SUGP1: variants seen among roughly 807,000 people sequenced by gnomAD.
The protein encoded by SUGP1 is SURP and G-patch domain-containing protein 1.
A neutral mutation model predicts 76.5 loss-of-function variants in SUGP1; 34 were observed. The observed-to-expected ratio is 0.44, with a 90% CI of 0.34 to 0.59. The LOEUF (loss-of-function observed/expected upper bound fraction) is 0.59, where lower values mean the gene tolerates loss of function less well. Among genes scored for constraint, SUGP1 ranks in the 20% least tolerant of loss-of-function variants. SUGP1 has a pLI of 0.01. For synonymous variants in SUGP1, 326 were observed against 326.2 expected (o/e 1.00, Z 0.01); for missense variants, 752 against 851.7 (o/e 0.88, Z 1.46).
intron 8 of SUGP1, among the ~76,000 whole-genome samples, chr19:19,290,259 G>C (rs1243956556): frequency 6.6e-6 from 1 of 152,176 alleles, no homozygotes; most frequent in East Asian, 1.9e-4. Context: ...GAGAGGGAAG[G>C]AGCAGAAACT....
chr19:19,308,081 T>G (rs939585482), intron 3 of SUGP1, among the ~76,000 whole-genome samples: 1 of 152,094 alleles, frequency 6.6e-6, no homozygotes, highest in Non-Finnish European at 1.5e-5. Flanking sequence ...TAGGCTAGAG[T>G]ACAGTGACGT....
intron 4 of SUGP1, chr19:19,305,601 T>A (rs957391636): frequency 2.4e-6 from 1 of 421,480 alleles, no homozygotes; most frequent in African/African-American, 2.0e-5. Flanking sequence ...GCTGTGTGAG[T>A]GGAAGATGGA....
At chr19:19,279,494 G>A in intron 9 of SUGP1, 104 bp from the exon 10 acceptor site, 1 of 1,293,770 alleles carries the variant, frequency 7.7e-7, no homozygotes, top group Admixed American at 2.2e-5. Context: ...GCCGGAACGT[G>A]GCTCATCTGG....
chr19:19,299,221 T>C (rs1330903216), intron 7 of SUGP1, among the ~76,000 whole-genome samples: 1 of 152,258 alleles, frequency 6.6e-6, no homozygotes, highest in Admixed American at 6.5e-5. Flanking sequence ...AGTGGAAGCA[T>C]GTTCACTGAC....
chr19:19,288,847 G>A (rs993827642), intron 8 of SUGP1, among the ~76,000 whole-genome samples: 36 of 151,860 alleles, frequency 2.4e-4, no homozygotes, highest in African/African-American at 3.1e-4. Flanking sequence ...GTGCAGTGGC[G>A]CGATCTCAGC....
At chr19:19,305,361 G>A (rs1306283531) in intron 4 of SUGP1, among the ~76,000 whole-genome samples, 1 of 152,184 alleles carries the variant, frequency 6.6e-6, no homozygotes, top group East Asian at 1.9e-4. Context: ...AAGCTCACCC[G>A]TGACCAGTGA....
intron 8 of SUGP1, among the ~76,000 whole-genome samples, chr19:19,291,796 G>A (rs1263382118): frequency 1.3e-5 from 2 of 151,682 alleles, no homozygotes; most frequent in Admixed American, 1.3e-4. Flanking sequence ...AGGAGGCTGA[G>A]GCAGAAGAAT....
At chr19:19,285,911 G>A (rs2061136390) in intron 8 of SUGP1, among the ~76,000 whole-genome samples, 1 of 152,162 alleles carries the variant, frequency 6.6e-6, no homozygotes. Flanking sequence ...TTGTGCAAAT[G>A]CAGTTGGGTT....
At chr19:19,279,188 C>CCGCCCCCCCCCCA in intron 10 of SUGP1, 25 bp downstream of exon 10, 1 of 1,534,006 alleles carries the variant, frequency 6.5e-7, no homozygotes, top group Non-Finnish European at 8.8e-7. Context: ...CAGCCCAGCC[C>CCGCCCCCCCCCCA]GGCCCACCCC....
intron 2 of SUGP1, among the ~76,000 whole-genome samples, chr19:19,312,300 A>C (rs1184524853): frequency 6.6e-6 from 1 of 152,210 alleles, no homozygotes; most frequent in African/African-American, 2.4e-5. Context: ...TGCAACAGCC[A>C]CTATTAACAC....
chr19:19,308,369 G>A (rs997366364), intron 3 of SUGP1, among the ~76,000 whole-genome samples: 1 of 152,200 alleles, frequency 6.6e-6, no homozygotes, highest in Non-Finnish European at 1.5e-5. Context: ...AGAATACGAC[G>A]TGTGTTATCA....
At chr19:19,297,399 G>GTTTCTGGGC in intron 7 of SUGP1, 55 bp from the exon 8 acceptor site, 2 of 1,190,572 alleles carry the variant, frequency 1.7e-6, no homozygotes, top group Non-Finnish European at 2.3e-6. Flanking sequence ...CCCTGTCCCT[G>GTTTCTGGGC]ATTCTGGGCA....
chr19:19,294,723 A>T (rs541797756), intron 8 of SUGP1, among the ~76,000 whole-genome samples: 1 of 152,122 alleles, frequency 6.6e-6, no homozygotes, highest in East Asian at 1.9e-4. Context: ...GGATTACAGC[A>T]GGCACTGGGA....
chr19:19,287,277 T>C (rs1280771821), intron 8 of SUGP1, among the ~76,000 whole-genome samples: 3 of 151,936 alleles, frequency 2.0e-5, no homozygotes, highest in Middle Eastern at 3.4e-3. Context: ...TCTCAAAACA[T>C]AGGTGAGGCG....
intron 11 of SUGP1, among the ~76,000 whole-genome samples, chr19:19,278,434 C>A (rs1393230710): frequency 2.0e-5 from 3 of 152,192 alleles, no homozygotes; most frequent in Non-Finnish European, 4.4e-5. Flanking sequence ...GTAAACTGCA[C>A]TTAATTGGCT....
chr19:19,287,934 AG>A, intron 8 of SUGP1, among the ~76,000 whole-genome samples: 1 of 152,342 alleles, frequency 6.6e-6, no homozygotes, highest in Admixed American at 6.5e-5. Context: ...CCTCTTCGGC[AG>A]CAAGACCAAC....
chr19:19,280,150 A>C, intron 9 of SUGP1, 35 bp downstream of exon 9: 2 of 1,599,914 alleles, frequency 1.3e-6, no homozygotes, highest in East Asian at 4.5e-5. Flanking sequence ...ATGGGCGCCG[A>C]CCATGTCCCC....
chr19:19,310,272 G>A lies in SUGP1; in HGVS notation c.207-72C>T, dbSNP rs1200308735. 4.3e-6 allele frequency: 5 copies of A among 1,176,388 alleles called. No individual in the cohort carries two copies. In the Admixed American group the frequency reaches 8.5e-5, roughly 20 times the overall value. The allele number at this position is 1,176,388 out of a possible 1,614,324, so 72.9% of individuals were successfully genotyped here. On this transcript the variant is annotated intron_variant, in intron 2 of 13. Coordinates refer to ENST00000247001, the MANE Select transcript of SUGP1 (RefSeq NM_172231.4). Reference sequence around the variant, plus strand: ...AGTGAGGGCACCAGAGGACGAGGATGAGGATGAGGCCATCACCTCGTCCAT... The same window carrying A: ...AGTGAGGGCACCAGAGGACGAGGATAAGGATGAGGCCATCACCTCGTCCAT...
intron 8 of SUGP1, 136 bp downstream of exon 8, chr19:19,296,851 TAC>T: frequency 2.7e-6 from 2 of 747,936 alleles, no homozygotes; most frequent in Non-Finnish European, 4.1e-6. Flanking sequence ...ATGTGGTATG[TAC>T]ACACAGTGGA....
Sources: allele counts gnomAD v4.1 joint callset (sites outside exome capture counted in the v4.1 genomes callset), GRCh38; gene constraint gnomAD v4.1.1; transcripts MANE v1.5; gene names NCBI Gene and HGNC (gene_info 2026-07-23, HGNC 2026-07-21).